Variants in PCSK2 observed in about 807,000 individuals in gnomAD.
The protein encoded by PCSK2 is proprotein convertase subtilisin/kexin type 2.
In PCSK2, 14 loss-of-function variants were observed where a neutral mutation model predicts 69.7. The ratio of observed to expected loss-of-function variants is 0.20; its 90% CI spans 0.13 to 0.31. PCSK2 has a LOEUF of 0.31. Among genes scored for constraint, PCSK2 ranks in the 10% least tolerant of loss-of-function variants. The pLI is 1.00. For missense variants in PCSK2, 544 were observed against 842.5 expected, an observed-to-expected ratio of 0.65 and a Z score of 4.39; for synonymous variants, 307 against 320.7, an observed-to-expected ratio of 0.96 and a Z score of 0.46.
intron 4 of PCSK2, among the ~76,000 whole-genome samples, chr20:17,365,088 C>A (rs2123222882): frequency 6.6e-6 from 1 of 152,246 alleles, no homozygotes; most frequent in Middle Eastern, 3.4e-3. Context: ...ATACCTTAGA[C>A]TAGGTCATTT....
chr20:17,452,578 C>T (rs73898585), intron 8 of PCSK2, among the ~76,000 whole-genome samples: 2,062 of 152,294 alleles, frequency 0.014, 45 homozygotes, highest in African/African-American at 0.047. Context: ...ACCTGGTGAC[C>T]ACACAGGGAG....
intron 5 of PCSK2, among the ~76,000 whole-genome samples, chr20:17,383,093 G>T (rs540020992): frequency 5.9e-5 from 9 of 152,304 alleles, no homozygotes; most frequent in South Asian, 4.1e-4. Flanking sequence ...TTTATCCGCA[G>T]CACAGCACCA....
intron 1 of PCSK2, among the ~76,000 whole-genome samples, chr20:17,249,467 A>G (rs1986890980): frequency 6.8e-6 from 1 of 147,232 alleles, no homozygotes; most frequent in Non-Finnish European, 1.5e-5. Flanking sequence ...AGATCGCGCC[A>G]CTGCACTCCA....
chr20:17,253,525 A>G (rs2030176626), intron 1 of PCSK2, among the ~76,000 whole-genome samples: 1 of 152,154 alleles, frequency 6.6e-6, no homozygotes, highest in Admixed American at 6.5e-5. Context: ...CCGTGTTTTT[A>G]CCATGTGTCA....
chr20:17,369,330 T>C, intron 5 of PCSK2, 53 bp downstream of exon 5: 1 of 1,449,196 alleles, frequency 6.9e-7, no homozygotes, highest in Non-Finnish European at 9.7e-7. Flanking sequence ...AATGTCCTGG[T>C]GTCCCTGGCT....
At chr20:17,403,088 T>C (rs2031679580) in intron 5 of PCSK2, among the ~76,000 whole-genome samples, 2 of 152,208 alleles carry the variant, frequency 1.3e-5, no homozygotes, top group African/African-American at 2.4e-5. Context: ...CTACAGAAGT[T>C]GCTAGAATTT....
intron 5 of PCSK2, among the ~76,000 whole-genome samples, chr20:17,383,514 C>T (rs1056739598): frequency 6.6e-6 from 1 of 152,156 alleles, no homozygotes; most frequent in Admixed American, 6.6e-5. Flanking sequence ...TCCCTTGATG[C>T]TTTTAATTCA....
intron 2 of PCSK2, among the ~76,000 whole-genome samples, chr20:17,294,243 T>C (rs1201204347): frequency 6.6e-6 from 1 of 151,176 alleles, no homozygotes; most frequent in Non-Finnish European, 1.5e-5. Flanking sequence ...TAGCTGGGAC[T>C]ACAGGCGCCC....
intron 2 of PCSK2, among the ~76,000 whole-genome samples, chr20:17,304,620 A>G (rs1600472293): frequency 6.6e-6 from 1 of 152,182 alleles, no homozygotes; most frequent in Non-Finnish European, 1.5e-5. Context: ...TAATTTCCAT[A>G]AGGCAACTTA....
chr20:17,412,858 G>T (rs1174379194), intron 6 of PCSK2, among the ~76,000 whole-genome samples: 2 of 152,210 alleles, frequency 1.3e-5, no homozygotes, highest in Non-Finnish European at 2.9e-5. Context: ...CAAGCCAGAG[G>T]AGAGTGGGGA....
At chr20:17,461,113 G>A (rs1180428246) in intron 10 of PCSK2, among the ~76,000 whole-genome samples, 1 of 152,090 alleles carries the variant, frequency 6.6e-6, no homozygotes, top group Non-Finnish European at 1.5e-5. Flanking sequence ...GGGTTGCAGT[G>A]AATGAGTTAG....
intron 7 of PCSK2, among the ~76,000 whole-genome samples, chr20:17,431,056 G>T (rs2269006): frequency 0.82 from 124,795 of 152,070 alleles, 51,883 homozygotes; most frequent in African/African-American, 0.9. Context: ...AGTTTGCTCT[G>T]CCTAAAAGCA....
At chr20:17,237,506 A>T (rs190700303) in intron 1 of PCSK2, among the ~76,000 whole-genome samples, 63 of 152,316 alleles carry the variant, frequency 4.1e-4, no homozygotes, top group African/African-American at 1.5e-3. Flanking sequence ...ATATGGAAAA[A>T]GAATCAAGAG....
At chr20:17,397,010 G>C (rs185303405) in intron 5 of PCSK2, among the ~76,000 whole-genome samples, 1 of 152,228 alleles carries the variant, frequency 6.6e-6, no homozygotes, top group African/African-American at 2.4e-5. Flanking sequence ...GCGATACTCA[G>C]GTCAAATTTG....
intron 5 of PCSK2, among the ~76,000 whole-genome samples, chr20:17,376,726 A>G (rs1224997303): frequency 6.6e-6 from 1 of 152,210 alleles, no homozygotes; most frequent in Non-Finnish European, 1.5e-5. Flanking sequence ...GTTTACCTAT[A>G]ATGTTTGACT....
intron 11 of PCSK2, among the ~76,000 whole-genome samples, chr20:17,471,839 G>A (rs986612349): frequency 1.7e-4 from 26 of 152,230 alleles, no homozygotes; most frequent in East Asian, 3.8e-4. Flanking sequence ...AAGCACACTC[G>A]AGGAGCGGTG....
chr20:17,385,723 A>G (rs1487679005), intron 5 of PCSK2, among the ~76,000 whole-genome samples: 2 of 152,176 alleles, frequency 1.3e-5, no homozygotes, highest in Admixed American at 1.3e-4. Context: ...GCCAGGAAGC[A>G]CAGGTAGGGG....
chr20:17,303,470 A>G (rs1307000641), intron 2 of PCSK2, among the ~76,000 whole-genome samples: 11 of 58,042 alleles, frequency 1.9e-4, no homozygotes, highest in Non-Finnish European at 2.1e-4. Context: ...TATAATATAT[A>G]TTATATATAA....
chr20:17,294,229 C>T (rs1164193622), intron 2 of PCSK2, among the ~76,000 whole-genome samples: 20 of 151,052 alleles, frequency 1.3e-4, no homozygotes, highest in Non-Finnish European at 2.4e-4. Context: ...CTCAGCCTCC[C>T]GAGTAGCTGG....
Sources: gnomAD v4.1 joint callset for allele counts (sites outside exome capture counted in the v4.1 genomes callset) on GRCh38, gnomAD v4.1.1 for gene constraint, MANE v1.5 for transcripts, NCBI Gene and HGNC (gene_info 2026-07-23, HGNC 2026-07-21) for gene names.